Variants in SORBS2 observed in about 807,000 individuals in gnomAD.
SORBS2 encodes sorbin and SH3 domain-containing protein 2.
Under a neutral mutation model 97.7 loss-of-function variants are expected in SORBS2, and 46 were observed. The ratio of observed to expected loss-of-function variants is 0.47; its 90% CI spans 0.37 to 0.60. The LOEUF is 0.60. SORBS2 is among the 20% of genes least tolerant of loss of function. The pLI, the probability that SORBS2 is intolerant of heterozygous loss-of-function variation, is 0.00. For missense variants in SORBS2, 1,316 were observed against 1,282.3 expected (o/e 1.03, Z -0.40); for synonymous variants, 476 against 473.4 (o/e 1.01, Z -0.07).
At chr4:185,883,605 T>C (rs1232873253) in intron 1 of SORBS2, among the ~76,000 whole-genome samples, 2 of 152,204 alleles carry the variant, frequency 1.3e-5, no homozygotes, top group African/African-American at 4.8e-5. Context: ...TAGAAACAAC[T>C]CAAATGTCCT....
intron 2 of SORBS2, among the ~76,000 whole-genome samples, chr4:185,767,772 A>G (rs2098945184): frequency 6.6e-6 from 1 of 152,176 alleles, no homozygotes; most frequent in African/African-American, 2.4e-5. Flanking sequence ...TCTGTGTAAC[A>G]GGGTCTGTCC....
At chr4:185,626,706 A>G (rs1320173446) in intron 6 of SORBS2, 126 bp downstream of exon 18, 6 of 919,682 alleles carry the variant, frequency 6.5e-6, no homozygotes, top group Middle Eastern at 2.4e-4. Flanking sequence ...TTCTAAAACT[A>G]TATTTTATTC....
chr4:185,711,901 C>T (rs778810107), intron 2 of SORBS2, among the ~76,000 whole-genome samples: 1 of 152,144 alleles, frequency 6.6e-6, no homozygotes, highest in Admixed American at 6.5e-5. Context: ...CTATCCTCTC[C>T]ACTGATGGAG....
At chr4:185,794,139 A>G (rs1302646124) in intron 1 of SORBS2, among the ~76,000 whole-genome samples, 2 of 152,260 alleles carry the variant, frequency 1.3e-5, no homozygotes, top group East Asian at 1.9e-4. Context: ...CATTGGTGAC[A>G]TAAAATTGTT....
Position 185,654,624 on chromosome 4 carries a change from A to T in SORBS2, c.25-1896T>A, listed in dbSNP as rs57182767. On this transcript the variant is annotated intron_variant, in intron 1 of 14. Transcript: ENST00000418609. ...TGAAGCTGGAAAAATAAAATACGAA[A>T]ACTCTATGTCCCTTTCTAAAAGAAG... 3.1e-3 allele frequency among the ~76,000 whole-genome samples: 473 copies of T among 152,296 alleles called. 8 individuals carry two copies. The East Asian group carries it at 0.062, about 20-fold the overall frequency.
chr4:185,599,815 G>A (rs910868648), intron 12 of SORBS2, among the ~76,000 whole-genome samples: 1 of 152,292 alleles, frequency 6.6e-6, no homozygotes, highest in Non-Finnish European at 1.5e-5. Context: ...CCAGGTGGTC[G>A]CTTCATCTTC....
intron 3 of SORBS2, 56 bp from the exon 7 acceptor site, chr4:185,678,603 T>A (rs2097829368): frequency 2.1e-6 from 3 of 1,449,004 alleles, no homozygotes; most frequent in Non-Finnish European, 2.8e-6. Context: ...CTTAAACATT[T>A]TTTATAAAAT....
intron 2 of SORBS2, among the ~76,000 whole-genome samples, chr4:185,687,716 TAGATGAAATAAA>T: frequency 6.6e-6 from 1 of 152,194 alleles, no homozygotes; most frequent in Non-Finnish European, 1.5e-5. Flanking sequence ...CTCTAAGTCT[TAGATGAAATAAA>T]TGGAGGCTCT....
At position 185,757,511 on chromosome 4, in the gene SORBS2, A is replaced by G. The variant is rs145447705; in HGVS notation, c.-198+17716T>C. ...TATTTGATATTCAAGAAACGTTAGA[A>G]ATGAATGCCTGTATAACATAATTTC... is the stretch of plus-strand genomic sequence containing the variant. On this transcript the variant is annotated intron_variant, in intron 2 of 20. Coordinates refer to the SORBS2 transcript ENST00000284776. Among the ~76,000 whole-genome samples the G allele has an allele frequency of 5.6e-3, 849 of 152,356 alleles. 2 individuals carry two copies. Among genetic ancestry groups the G allele is most frequent in the Non-Finnish European group, 9.4e-3 (637 of 68,032 alleles).
chr4:185,877,146 G>A (rs1353468020), intron 1 of SORBS2, among the ~76,000 whole-genome samples: 1 of 152,018 alleles, frequency 6.6e-6, no homozygotes, highest in African/African-American at 2.4e-5. Context: ...CTTGCTGGAG[G>A]CACAAATAAA....
At chr4:185,708,637 T>C (rs775302508) in intron 2 of SORBS2, among the ~76,000 whole-genome samples, 6 of 152,228 alleles carry the variant, frequency 3.9e-5, no homozygotes, top group Non-Finnish European at 5.9e-5. Flanking sequence ...CCTGGAATTA[T>C]CTTAGCCCTT....
intron 1 of SORBS2, among the ~76,000 whole-genome samples, chr4:185,791,661 T>A (rs1383061208): frequency 6.6e-6 from 1 of 151,868 alleles, no homozygotes. Context: ...ATTATAAAAG[T>A]GAGTGCTCAT....
chr4:185,670,460 A>T (rs985246173), intron 4 of SORBS2, among the ~76,000 whole-genome samples: 1 of 152,150 alleles, frequency 6.6e-6, no homozygotes, highest in Non-Finnish European at 1.5e-5. Flanking sequence ...TCTCTCTCTT[A>T]ACACCTTTAG....
chr4:185,717,761 C>T (rs978906142), intron 2 of SORBS2, among the ~76,000 whole-genome samples: 2 of 152,136 alleles, frequency 1.3e-5, no homozygotes, highest in Non-Finnish European at 2.9e-5. Flanking sequence ...ATTCTTTTTC[C>T]GTGACAGCCA....
At chr4:185,824,204 G>A (rs1045532538) in intron 1 of SORBS2, among the ~76,000 whole-genome samples, 1 of 152,148 alleles carries the variant, frequency 6.6e-6, no homozygotes, top group African/African-American at 2.4e-5. Flanking sequence ...CTCCAGGGAG[G>A]ATCTTTCCTT....
intron 1 of SORBS2, among the ~76,000 whole-genome samples, chr4:185,906,852 G>A (rs2099251163): frequency 6.6e-6 from 1 of 152,212 alleles, no homozygotes; most frequent in Admixed American, 6.5e-5. Flanking sequence ...GAGGCCGGGC[G>A]CAGTGCCTCA....
rs1483779596 is a variant in SORBS2, at chr4:185,626,891, C to G, written c.575G>C (p.Ser192Thr). ...AGTGAAAGACTTTGTAAGAGTGGTGCTTGATCCTGGGAGGTCCACTCGGCC... is the reference window on the plus strand; with the variant it reads ...AGTGAAAGACTTTGTAAGAGTGGTGGTTGATCCTGGGAGGTCCACTCGGCC... The change falls in exon 6 of 15, where the codon AGC (serine) becomes ACC (threonine). Residue 192 changes from serine (S) to threonine (T), a missense_variant. Ser to Thr is a moderately conservative substitution (Grantham distance 58). Transcript: ENST00000418609. 26 of 1,614,108 alleles carry G rather than the reference C, an allele frequency of 1.6e-5. No homozygotes were observed. The highest frequency in any genetic ancestry group is 2.7e-5 in the African/African-American group (2 of 74,934).
At chr4:185,698,787 A>G (rs1228935312) in intron 2 of SORBS2, among the ~76,000 whole-genome samples, 1 of 152,226 alleles carries the variant, frequency 6.6e-6, no homozygotes, top group Non-Finnish European at 1.5e-5. Flanking sequence ...CACAAGTCCA[A>G]ATGGAAAGTG....
intron 2 of SORBS2, among the ~76,000 whole-genome samples, chr4:185,687,317 C>G (rs1008614629): frequency 1.6e-4 from 25 of 152,180 alleles, no homozygotes; most frequent in Admixed American, 1.6e-3. Flanking sequence ...CGTGAGCCAC[C>G]GTGACTGTCT....
Sources: allele counts gnomAD v4.1 joint callset (sites outside exome capture counted in the v4.1 genomes callset), GRCh38; gene constraint gnomAD v4.1.1; transcripts MANE v1.5; gene names NCBI Gene and HGNC (gene_info 2026-07-23, HGNC 2026-07-21).